The following PHACTR3 variants were observed in gnomAD, a reference collection of about 807,000 sequenced individuals.
The protein encoded by PHACTR3 is phosphatase and actin regulator 3.
A neutral mutation model predicts 66.8 loss-of-function variants in PHACTR3; 16 were observed. The ratio of observed to expected loss-of-function variants is 0.24; its 90% confidence interval spans 0.16 to 0.36. The LOEUF (loss-of-function observed/expected upper bound fraction) is 0.36. Among genes scored for constraint, PHACTR3 ranks in the 10% least tolerant of loss-of-function variants. The probability of loss-of-function intolerance (pLI) is 1.00; values close to 1 mark genes in which losing one functional copy is unlikely to be tolerated. For missense variants in PHACTR3, 647 were observed against 719.9 expected, an observed-to-expected ratio of 0.90 and a Z score of 1.16; for synonymous variants, 323 against 292.1, an observed-to-expected ratio of 1.11 and a Z score of -1.08.
At chr20:59,675,920 T>G (rs2036434603) in intron 1 of PHACTR3, among the ~76,000 whole-genome samples, 3 of 152,178 alleles carry the variant, frequency 2.0e-5, no homozygotes, top group African/African-American at 7.2e-5. Flanking sequence ...GTCCTCGACC[T>G]CCCCATCTGT....
chr20:59,844,049 C>T (rs534418134), intron 11 of PHACTR3: 2 of 151,944 alleles, frequency 1.3e-5, no homozygotes, highest in South Asian at 2.1e-4. Flanking sequence ...ACATACAAAT[C>T]GCCAACAGGT....
chr20:59,601,183 T>C (rs1164965560), upstream of PHACTR3, among the ~76,000 whole-genome samples: 1 of 152,216 alleles, frequency 6.6e-6, no homozygotes, highest in Non-Finnish European at 1.5e-5. Context: ...TGCTTTCTGA[T>C]TGGATGGACA....
intron 1 of PHACTR3, among the ~76,000 whole-genome samples, chr20:59,723,077 T>TC (rs753458659): frequency 2.9e-5 from 4 of 137,830 alleles, no homozygotes; most frequent in African/African-American, 1.2e-4. Flanking sequence ...TTTCTTTCTT[T>TC]CTTTCTTTCT....
At chr20:59,810,768 AAG>A (rs1429812944) in intron 8 of PHACTR3, among the ~76,000 whole-genome samples, 1 of 152,130 alleles carries the variant, frequency 6.6e-6, no homozygotes, top group Non-Finnish European at 1.5e-5. Context: ...TCCCATTTGA[AAG>A]AGTGAAGCTC....
At chr20:59,670,095 G>A (rs918318554) in intron 1 of PHACTR3, among the ~76,000 whole-genome samples, 4 of 152,302 alleles carry the variant, frequency 2.6e-5, no homozygotes, top group South Asian at 2.1e-4. Flanking sequence ...TTGCCATCAC[G>A]GAAGGTCCCA....
chr20:59,674,242 G>A (rs2036296280), intron 1 of PHACTR3, among the ~76,000 whole-genome samples: 1 of 150,730 alleles, frequency 6.6e-6, no homozygotes. Flanking sequence ...GAGACCCAGA[G>A]ACCCTGAATG....
chr20:59,735,612 C>T (rs1053611549), intron 1 of PHACTR3, among the ~76,000 whole-genome samples: 64 of 152,158 alleles, frequency 4.2e-4, no homozygotes, highest in African/African-American at 1.3e-3. Flanking sequence ...GTCAGATGGA[C>T]GAGGAACAGA....
intron 7 of PHACTR3, among the ~76,000 whole-genome samples, chr20:59,803,437 A>G (rs1002040156): frequency 6.6e-6 from 1 of 151,662 alleles, no homozygotes; most frequent in African/African-American, 2.4e-5. Context: ...TTCTTTTTTT[A>G]TAAGGAAACT....
intron 8 of PHACTR3, among the ~76,000 whole-genome samples, chr20:59,835,418 G>A (rs554917290): frequency 2.6e-5 from 4 of 152,228 alleles, no homozygotes; most frequent in South Asian, 2.1e-4. Context: ...GCTGAGCCCC[G>A]CAATGCCCTA....
chr20:59,594,337 G>GT (rs77578962), intron 1 of PHACTR3, among the ~76,000 whole-genome samples: 203 of 146,702 alleles, frequency 1.4e-3, no homozygotes, highest in Middle Eastern at 7.1e-3. Context: ...TTTTGGTCGA[G>GT]TTTTTTTTTT....
At chr20:59,803,553 CAT>C (rs924897037) in intron 7 of PHACTR3, among the ~76,000 whole-genome samples, 6 of 152,154 alleles carry the variant, frequency 3.9e-5, no homozygotes, top group African/African-American at 1.4e-4. Context: ...GACACATACA[CAT>C]ATATATTTTG....
intron 5 of PHACTR3, 78 bp from the exon 6 acceptor site, chr20:59,773,201 A>G: frequency 6.7e-7 from 1 of 1,497,890 alleles, no homozygotes; most frequent in South Asian, 1.3e-5. Context: ...CTTTCCGCTC[A>G]TGGTCCCCAG....
At chr20:59,822,155 G>C (rs1214121772) in intron 8 of PHACTR3, among the ~76,000 whole-genome samples, 1 of 29,640 alleles carries the variant, frequency 3.4e-5, no homozygotes, top group African/African-American at 2.3e-4. Flanking sequence ...CCTCCGCAGC[G>C]ATCCCACCCC....
intron 11 of PHACTR3, 78 bp downstream of exon 11, chr20:59,841,613 C>T: frequency 3.4e-6 from 5 of 1,463,496 alleles, no homozygotes; most frequent in Non-Finnish European, 4.6e-6. Flanking sequence ...GGAGTTTATT[C>T]ATAGACAATG....
rs890493597 is a variant in PHACTR3, at chr20:59,736,308, T to C, written c.119-6799T>C. Among the ~76,000 whole-genome samples the C allele has an allele frequency of 1.3e-5, 2 of 151,076 alleles. No homozygotes were observed. Among genetic ancestry groups the C allele is most frequent in the Admixed American group, 6.5e-5 (1 of 15,274 alleles). On this transcript the variant is annotated intron_variant, in intron 1 of 12. Transcript: ENST00000371015. This position sits in a 1 kb window ranked among gnomAD's most constrained non-coding sequence, Gnocchi z 4.6. Reference sequence around the variant, plus strand: ...GCTGGGGGGTGGCTGCTAATGTGTTTGCACCTTCCAGAGTCTCTCCAGTGT... The same window carrying C: ...GCTGGGGGGTGGCTGCTAATGTGTTCGCACCTTCCAGAGTCTCTCCAGTGT...
chr20:59,801,263 C>A (rs993827882), intron 7 of PHACTR3, among the ~76,000 whole-genome samples: 1 of 152,186 alleles, frequency 6.6e-6, no homozygotes, highest in African/African-American at 2.4e-5. Context: ...TCTCTAGAGG[C>A]AGTAGCTGGC....
Position 59,654,091 on chromosome 20 carries a change from G to A in PHACTR3, c.118+48959G>A, listed in dbSNP as rs572197344. ...GAATTGCTTAATACATTTCCAACAG[G>A]ATAATGACTAGAATTGATTGAAACA... is the stretch of plus-strand genomic sequence containing the variant. On this transcript the variant is annotated intron_variant, in intron 1 of 12. Coordinates refer to ENST00000371015, the MANE Select transcript of PHACTR3 (RefSeq NM_080672.5). 3.9e-5 allele frequency among the ~76,000 whole-genome samples: 6 copies of A among 152,268 alleles called. No individual in the cohort carries two copies. The East Asian group carries it at 9.7e-4, about 24-fold the overall frequency.
intron 8 of PHACTR3, among the ~76,000 whole-genome samples, chr20:59,821,301 C>T (rs1387911621): frequency 6.6e-6 from 1 of 152,186 alleles, no homozygotes; most frequent in African/African-American, 2.4e-5. Flanking sequence ...TCAGGACTGG[C>T]ATGGTTGTTC....
Position 59,786,662 on chromosome 20 carries a change from G to T in PHACTR3, c.1174+12172G>T, listed in dbSNP as rs142976747. 4.5e-4 allele frequency among the ~76,000 whole-genome samples: 68 copies of T among 152,280 alleles called. 1 individual carries two copies. The East Asian group carries it at 9.7e-3, about 22-fold the overall frequency. Reference sequence around the variant, plus strand: ...TGGAGCACTCTCTGTGCCATTGACGGGTGTCCATGGAGCGCTGTCTGTGCA... The same window carrying T: ...TGGAGCACTCTCTGTGCCATTGACGTGTGTCCATGGAGCGCTGTCTGTGCA... On this transcript the variant is annotated intron_variant, in intron 7 of 12. Coordinates refer to ENST00000371015, the MANE Select transcript of PHACTR3 (RefSeq NM_080672.5).
Sources: gnomAD v4.1 joint callset for allele counts (sites outside exome capture counted in the v4.1 genomes callset) on GRCh38, gnomAD v4.1.1 for gene constraint, Gnocchi (gnomAD v3.1) non-coding constraint, MANE v1.5 for transcripts, NCBI Gene and HGNC (gene_info 2026-07-23, HGNC 2026-07-21) for gene names.